TCF12: variants seen among roughly 807,000 people sequenced by gnomAD.
TCF12 encodes the protein transcription factor 12.
In TCF12, 45 loss-of-function variants were observed where a neutral mutation model predicts 86.0. The ratio of observed to expected loss-of-function variants is 0.52; its 90% CI spans 0.41 to 0.67. The LOEUF (loss-of-function observed/expected upper bound fraction) is 0.67, where lower values mean the gene tolerates loss of function less well. Ranked by LOEUF, TCF12 falls within the 30% of genes least tolerant of loss-of-function variation. The pLI is 0.00. For missense variants in TCF12, 881 were observed against 859.9 expected (o/e 1.02, Z -0.31); for synonymous variants, 330 against 299.6 (o/e 1.10, Z -1.05).
intron 5 of TCF12, among the ~76,000 whole-genome samples, chr15:57,111,621 T>A (rs573542446): frequency 1.4e-5 from 2 of 141,648 alleles, no homozygotes; most frequent in Non-Finnish European, 3.1e-5. Context: ...AGATAGGGTC[T>A]CACTCTGTCT....
chr15:57,238,691 A>G (rs77292895), intron 12 of TCF12, among the ~76,000 whole-genome samples: 7,738 of 152,276 alleles, frequency 0.051, 559 homozygotes, highest in African/African-American at 0.16. Flanking sequence ...TAGTTTAATC[A>G]CTCAAGTTAA....
At chr15:56,975,217 G>C (rs1228720222) in intron 3 of TCF12, among the ~76,000 whole-genome samples, 2 of 152,058 alleles carry the variant, frequency 1.3e-5, no homozygotes. Context: ...CTGGCATTTG[G>C]CTTATGGCCA....
chr15:57,166,551 C>G, intron 6 of TCF12, 85 bp downstream of exon 6: 1 of 1,189,284 alleles, frequency 8.4e-7, no homozygotes, highest in Non-Finnish European at 1.2e-6. Flanking sequence ...TAGAAATTAT[C>G]CAATTTATTT....
intron 3 of TCF12, among the ~76,000 whole-genome samples, chr15:56,984,249 G>GGTGT (rs56221122): frequency 0.18 from 21,577 of 122,786 alleles, 2,062 homozygotes; most frequent in Admixed American, 0.23. Context: ...GCATGTGCAT[G>GGTGT]GTGTGTGTGT....
chr15:57,119,058 A>G (rs1345248314), intron 5 of TCF12, among the ~76,000 whole-genome samples: 1 of 152,068 alleles, frequency 6.6e-6, no homozygotes, highest in African/African-American at 2.4e-5. Context: ...CAGTTAATGA[A>G]GGGCTATTTA....
rs766798019 is a variant in TCF12 at position 56,953,556 on chromosome 15, G to GT, written c.148+32463dup. 2.4e-4 allele frequency among the ~76,000 whole-genome samples: 36 copies of GT among 151,798 alleles called. 1 individual carries two copies. Among genetic ancestry groups the GT allele is most frequent in the Non-Finnish European group, 1.6e-4 (11 of 67,870 alleles). On this transcript the variant is annotated intron_variant, in intron 3 of 20. Transcript: ENST00000333725. ...ACCAATGAAACCAACTAGGTGTAGA[G>GT]TTTTTCATTGGAGGTTTTAAACTAC...
At position 57,270,168 on chromosome 15, in the gene TCF12, A is replaced by G. The variant is rs2061067613; in HGVS notation, c.1746-2862A>G. Among the ~76,000 whole-genome samples, 3 of 152,268 alleles carry G rather than the reference A, an allele frequency of 2.0e-5. No individual in the cohort carries two copies. The South Asian group carries it at 6.2e-4, about 32-fold the overall frequency. On this transcript the variant is annotated intron_variant, in intron 18 of 20. Coordinates refer to ENST00000333725, the MANE Select transcript of TCF12 (RefSeq NM_207037.2). ...GAAGAGTGTTTTCTAACTTGGTTCCATTCTCCCCATCACTTTCAGGTACAC... is the reference window on the plus strand; with the variant it reads ...GAAGAGTGTTTTCTAACTTGGTTCCGTTCTCCCCATCACTTTCAGGTACAC...
chr15:57,282,879 C>T (rs1304527727), intron 20 of TCF12, among the ~76,000 whole-genome samples: 3 of 152,156 alleles, frequency 2.0e-5, no homozygotes, highest in Non-Finnish European at 2.9e-5. Context: ...GAGTATCTTC[C>T]TGATCCAAGA....
At chr15:56,968,110 C>T (rs967187034) in intron 3 of TCF12, among the ~76,000 whole-genome samples, 24 of 152,088 alleles carry the variant, frequency 1.6e-4, no homozygotes, top group Admixed American at 1.2e-3. Flanking sequence ...GCATGTGCCA[C>T]AACGCCTGGC....
At chr15:57,229,246 T>C (rs1281908303) in intron 8 of TCF12, among the ~76,000 whole-genome samples, 1 of 152,022 alleles carries the variant, frequency 6.6e-6, no homozygotes, top group Non-Finnish European at 1.5e-5. Flanking sequence ...TATCAGCCTG[T>C]ACAATACATT....
intron 5 of TCF12, among the ~76,000 whole-genome samples, chr15:57,123,129 T>G (rs1374007718): frequency 6.6e-6 from 1 of 152,242 alleles, no homozygotes; most frequent in East Asian, 1.9e-4. Context: ...TGTTTCTTTC[T>G]TGTTAAATTC....
At chr15:56,986,301 A>G (rs979831192) in intron 3 of TCF12, among the ~76,000 whole-genome samples, 3 of 152,306 alleles carry the variant, frequency 2.0e-5, no homozygotes, top group African/African-American at 4.8e-5. Flanking sequence ...GTTGACCAAA[A>G]TTAACTGAAT....
intron 3 of TCF12, among the ~76,000 whole-genome samples, chr15:57,044,826 G>C (rs1208919326): frequency 6.6e-6 from 1 of 152,090 alleles, no homozygotes; most frequent in East Asian, 1.9e-4. Flanking sequence ...TTTGAGGTTA[G>C]TGGACATAAA....
At chr15:57,019,691 T>A (rs550041224) in intron 3 of TCF12, among the ~76,000 whole-genome samples, 5 of 152,084 alleles carry the variant, frequency 3.3e-5, no homozygotes, top group African/African-American at 9.6e-5. Flanking sequence ...GAATGAAAAA[T>A]TTTGAAAAAC....
chr15:56,949,320 T>A (rs1265418899), intron 3 of TCF12, among the ~76,000 whole-genome samples: 1 of 152,234 alleles, frequency 6.6e-6, no homozygotes, highest in East Asian at 1.9e-4. Context: ...GTCCACTGAA[T>A]GTAAACTCCT....
chr15:57,117,380 C>G (rs549134938), intron 5 of TCF12, among the ~76,000 whole-genome samples: 1 of 152,278 alleles, frequency 6.6e-6, no homozygotes, highest in South Asian at 2.1e-4. Flanking sequence ...AAAAAAGGAT[C>G]TTAACATCTT....
chr15:57,183,207 A>C (rs1232545585), intron 6 of TCF12, among the ~76,000 whole-genome samples: 1 of 152,154 alleles, frequency 6.6e-6, no homozygotes, highest in Non-Finnish European at 1.5e-5. Context: ...ACCCATGTGA[A>C]CTTCATCAAG....
chr15:56,966,976 GC>G (rs1287479220), intron 3 of TCF12, among the ~76,000 whole-genome samples: 1 of 152,044 alleles, frequency 6.6e-6, no homozygotes, highest in Admixed American at 6.5e-5. Context: ...ACAAAAATTA[GC>G]CAGGCATGGT....
chr15:57,138,230 G>A (rs2052696964), intron 5 of TCF12, among the ~76,000 whole-genome samples: 2 of 152,242 alleles, frequency 1.3e-5, no homozygotes, highest in South Asian at 4.1e-4. Flanking sequence ...TGATGCTCAT[G>A]TCTAAAATGA....
Sources: allele counts gnomAD v4.1 joint callset (sites outside exome capture counted in the v4.1 genomes callset), GRCh38; gene constraint gnomAD v4.1.1; transcripts MANE v1.5; gene names NCBI Gene and HGNC (gene_info 2026-07-23, HGNC 2026-07-21).